Variants in CCDC88A observed in about 807,000 individuals in gnomAD.
CCDC88A encodes coiled-coil and HOOK domain protein 88A, also known as girdin.
CCDC88A carries 54 observed loss-of-function variants against 234.3 expected under a neutral mutation model. The observed-to-expected ratio is 0.23, with a 90% confidence interval of 0.19 to 0.29. The LOEUF (loss-of-function observed/expected upper bound fraction) is 0.29. CCDC88A is among the 10% of genes least tolerant of loss of function. The pLI is 1.00. For synonymous variants in CCDC88A, 753 were observed against 737.8 expected (o/e 1.02, Z -0.33); for missense variants, 1,832 against 2,123.4 (o/e 0.86, Z 2.70).
At chr2:55,323,748 G>C (rs1683923762) in intron 17 of CCDC88A, 1 of 152,180 alleles carries the variant, frequency 6.6e-6, no homozygotes, top group South Asian at 2.1e-4. Context: ...GTCTCACTCT[G>C]TCACCCAGGC....
Position 55,328,525 on chromosome 2 carries a change from A to C in CCDC88A, c.2856-90T>G. The C allele has an allele frequency of 1.1e-6, 1 of 899,768 alleles. No homozygotes were observed. Among genetic ancestry groups the C allele is most frequent in the Non-Finnish European group, 1.6e-6 (1 of 629,292 alleles). 55.7% of individuals were successfully genotyped at this position (899,768 alleles called of 1,614,324 possible). A position where few individuals can be genotyped will look rare whatever the true frequency, so the allele number is the denominator to read the frequency against. ...TATGACCACAAATATTCATGCCATA[A>C]ATGGGTCTTATAAAAGCATTTTTGT... On this transcript the variant is annotated intron_variant, in intron 16 of 32. Transcript: ENST00000436346. This position sits in a 1 kb window ranked among gnomAD's most constrained non-coding sequence, Gnocchi z 4.3.
intron 31 of CCDC88A, chr2:55,292,425 G>A (rs780493165): frequency 6.6e-6 from 1 of 152,090 alleles, no homozygotes; most frequent in Non-Finnish European, 1.5e-5. Flanking sequence ...TACTTTAAAT[G>A]AAATTCATTT....
chr2:55,382,760 T>C (rs948595596), intron 3 of CCDC88A, among the ~76,000 whole-genome samples: 2 of 152,220 alleles, frequency 1.3e-5, no homozygotes, highest in African/African-American at 4.8e-5. Flanking sequence ...CATTTAACCA[T>C]AATGAAGTAT....
chr2:55,326,021 C>T (rs1023506399), intron 17 of CCDC88A, among the ~76,000 whole-genome samples: 1 of 152,096 alleles, frequency 6.6e-6, no homozygotes, highest in Non-Finnish European at 1.5e-5. Flanking sequence ...TGGGTCTTAT[C>T]TTTTTGTCTA....
At chr2:55,366,083 T>G (rs924478123) in intron 5 of CCDC88A, among the ~76,000 whole-genome samples, 1 of 152,164 alleles carries the variant, frequency 6.6e-6, no homozygotes, top group Admixed American at 6.6e-5. Context: ...CTAAATAATA[T>G]CAGCAAATTG....
chr2:55,349,340 A>G, intron 9 of CCDC88A, 178 bp downstream of exon 9: 1 of 578,700 alleles, frequency 1.7e-6, no homozygotes, highest in Non-Finnish European at 3.0e-6. Flanking sequence ...ATATGGAAGA[A>G]AGTTTGGCTC....
At chr2:55,307,656 AT>A (rs1003401799) in intron 25 of CCDC88A, among the ~76,000 whole-genome samples, 1 of 151,148 alleles carries the variant, frequency 6.6e-6, no homozygotes. Flanking sequence ...TCCCGGCCTA[AT>A]TTTTTTTAAA....
intron 2 of CCDC88A, chr2:55,404,266 G>A (rs753785399): frequency 1.3e-5 from 2 of 152,150 alleles, no homozygotes; most frequent in Non-Finnish European, 2.9e-5. Context: ...CCTTAAGTAA[G>A]CAGTTTTTAA....
chr2:55,318,874 G>T lies in CCDC88A; in HGVS notation c.3293C>A (p.Thr1098Asn), dbSNP rs142635650. 530 of 1,611,084 alleles carry T rather than the reference G, an allele frequency of 3.3e-4. 1 individual carries two copies. The highest frequency in any genetic ancestry group is 4.4e-4 in the Non-Finnish European group (514 of 1,178,238). Residue 1098 changes from threonine (T) to asparagine (N), a missense_variant, in exon 19 of 33, where the codon ACC becomes AAC. Thr to Asn is a moderately conservative substitution (Grantham distance 65). This residue lies in a region of CCDC88A where 1,282 missense variants were observed against 1,543.6 expected (regional missense o/e 0.83). Transcript: ENST00000436346. ...CTTGGCATTCTGTGTTTGAAGAGTG[G>T]TATTCTGTTCTTGTAATGACACTGT... ...RQTVSLQEQN[T>N]TLQTQNAKLQ...
At chr2:55,349,800 A>T in intron 8 of CCDC88A, 1 of 463,714 alleles carries the variant, frequency 2.2e-6, no homozygotes, top group Non-Finnish European at 3.7e-6. Context: ...CTCTTCCCTA[A>T]TGTTTTCCAA....
At chr2:55,383,073 G>GAA (rs10544955) in intron 3 of CCDC88A, among the ~76,000 whole-genome samples, 2 of 145,104 alleles carry the variant, frequency 1.4e-5, no homozygotes, top group African/African-American at 5.1e-5. Flanking sequence ...TCATAAAAAT[G>GAA]AAAAAAAAAA....
chr2:55,304,972 T>C (rs569514588), intron 25 of CCDC88A, among the ~76,000 whole-genome samples: 9 of 152,354 alleles, frequency 5.9e-5, no homozygotes, highest in Non-Finnish European at 1.2e-4. Flanking sequence ...AATGGACATA[T>C]AGCTCTTTAA....
chr2:55,306,495 G>C (rs895018986), intron 25 of CCDC88A, among the ~76,000 whole-genome samples: 1 of 152,116 alleles, frequency 6.6e-6, no homozygotes, highest in African/African-American at 2.4e-5. Context: ...ACCTGTGTGT[G>C]TATATATAAG....
chr2:55,362,182 A>G, intron 7 of CCDC88A, 126 bp downstream of exon 7: 1 of 675,148 alleles, frequency 1.5e-6, no homozygotes, highest in South Asian at 2.8e-5. Flanking sequence ...TGTGTTCCAC[A>G]CAAAAAAAGA....
intron 5 of CCDC88A, among the ~76,000 whole-genome samples, chr2:55,367,838 T>C (rs1672249644): frequency 6.6e-6 from 1 of 151,948 alleles, no homozygotes; most frequent in South Asian, 2.1e-4. Context: ...CATAAAAGGG[T>C]CAAAATTTTA....
At chr2:55,362,150 C>G (rs1671403006) in intron 7 of CCDC88A, 158 bp downstream of exon 7, 1 of 506,218 alleles carries the variant, frequency 2.0e-6, no homozygotes, top group Admixed American at 4.3e-5. Flanking sequence ...ATTTGGGGTT[C>G]TTATACATCC....
At chr2:55,295,415 AG>A in intron 31 of CCDC88A, 181 bp downstream of exon 31, 1 of 1,549,342 alleles carries the variant, frequency 6.5e-7, no homozygotes, top group Non-Finnish European at 8.7e-7. Flanking sequence ...ATGCATCACT[AG>A]GCATCCTAAT....
At chr2:55,373,612 C>A (rs1558764633) in intron 4 of CCDC88A, among the ~76,000 whole-genome samples, 1 of 152,150 alleles carries the variant, frequency 6.6e-6, no homozygotes, top group Admixed American at 6.5e-5. Flanking sequence ...AGAACATAGA[C>A]CATTTATTTC....
At chr2:55,339,291 C>G in intron 13 of CCDC88A, 173 bp downstream of exon 13, 2 of 607,486 alleles carry the variant, frequency 3.3e-6, no homozygotes, top group Non-Finnish European at 5.3e-6. Context: ...ATTGCTGAAG[C>G]TGAATAATGA....
Sources: allele counts gnomAD v4.1 joint callset (sites outside exome capture counted in the v4.1 genomes callset), GRCh38; gene constraint gnomAD v4.1.1; regional missense constraint gnomAD v4.1.1; non-coding constraint Gnocchi (gnomAD v3.1); transcripts MANE v1.5; gene names NCBI Gene and HGNC (gene_info 2026-07-23, HGNC 2026-07-21).